LOXHD1: variants seen among roughly 807,000 people sequenced by gnomAD.
LOXHD1 encodes lipoxygenase homology PLAT domains 1.
Under a neutral mutation model 248.2 loss-of-function variants are expected in LOXHD1, and 205 were observed. That is an observed-to-expected ratio of 0.83 (90% CI 0.74 to 0.93). The LOEUF (loss-of-function observed/expected upper bound fraction) is 0.93, where lower values mean the gene tolerates loss of function less well. LOXHD1 is among the 40% of genes least tolerant of loss of function. LOXHD1 has a pLI of 0.00. For missense variants in LOXHD1, 2,930 were observed against 2,971.6 expected (o/e 0.99, Z 0.33); for synonymous variants, 1,113 against 1,162.8 (o/e 0.96, Z 0.87).
At chr18:46,497,034 C>T (rs1292998121) in intron 37 of LOXHD1, among the ~76,000 whole-genome samples, 1 of 152,140 alleles carries the variant, frequency 6.6e-6, no homozygotes, top group Non-Finnish European at 1.5e-5. Context: ...AATAAGGATA[C>T]AGAAATCTTC....
chr18:46,598,024 C>G (rs1315421226), intron 8 of LOXHD1, among the ~76,000 whole-genome samples: 8 of 151,764 alleles, frequency 5.3e-5, no homozygotes, highest in African/African-American at 9.7e-5. Context: ...GCCTCGGCCT[C>G]CAAAAGTGCT....
chr18:46,566,639 AC>A (rs1479415291), intron 16 of LOXHD1, among the ~76,000 whole-genome samples, 190 bp from the exon 17 acceptor site: 1 of 151,898 alleles, frequency 6.6e-6, no homozygotes, highest in Non-Finnish European at 1.5e-5. Flanking sequence ...CCAGGGCATC[AC>A]CTCACCTGCC....
chr18:46,656,834 A>G (rs768486841), intron 1 of LOXHD1, 70 bp downstream of exon 1: 2 of 1,500,122 alleles, frequency 1.3e-6, no homozygotes, highest in Non-Finnish European at 1.8e-6. Context: ...GACTCCCCAT[A>G]GACAGGAACA....
chr18:46,554,817 T>C lies in LOXHD1; in HGVS notation c.3350+2539A>G, dbSNP rs150191424. 5.9e-5 allele frequency among the ~76,000 whole-genome samples: 9 copies of C among 152,332 alleles called. No individual in the cohort carries two copies. The East Asian group carries it at 1.5e-3, about 26-fold the overall frequency. On this transcript the variant is annotated intron_variant, in intron 21 of 40. Transcript: ENST00000642948. ...TGTGTAGCAGTTATGTGTAGGAAAT[T>C]GTAAAGCATTACTGAGGTACATAAA...
intron 4 of LOXHD1, among the ~76,000 whole-genome samples, chr18:46,627,714 C>T (rs531901984): frequency 1.3e-5 from 2 of 152,234 alleles, no homozygotes; most frequent in Admixed American, 1.3e-4. Context: ...GTGAGTGACA[C>T]TGAGCCATCA....
At position 46,509,726 on chromosome 18, in the gene LOXHD1, C is replaced by T; in HGVS notation, c.5489G>A (p.Gly1830Asp). Residue 1830 changes from glycine to aspartate, a missense_variant, in exon 35 of 41, where the codon GGC becomes GAC. Coordinates refer to ENST00000642948, the MANE Select transcript of LOXHD1 (RefSeq NM_001384474.1). ...CTCCAGGAACCACTCCGGCCGACTG[C>T]CCAGGCCATCAATCCGGATCCGCAT... is the stretch of plus-strand genomic sequence containing the variant. ...TKMRIRIDGL[G>D]SRPEWFLERI... is the part of the protein sequence containing the mutation. 6.4e-7 allele frequency: 1 copy of T among 1,551,616 alleles called. No homozygotes were observed. Among genetic ancestry groups the T allele is most frequent in the Non-Finnish European group, 8.7e-7 (1 of 1,146,956 alleles).
intron 21 of LOXHD1, among the ~76,000 whole-genome samples, chr18:46,554,577 C>G (rs997376349): frequency 1.3e-5 from 2 of 151,970 alleles, no homozygotes; most frequent in African/African-American, 4.8e-5. Context: ...ATCACAGAGC[C>G]CTGGCAGACT....
At chr18:46,508,805 G>C (rs928112587) in intron 35 of LOXHD1, among the ~76,000 whole-genome samples, 2 of 152,180 alleles carry the variant, frequency 1.3e-5, no homozygotes, top group Non-Finnish European at 2.9e-5. Context: ...TCCAGCTTTG[G>C]AGCCACTCTT....
chr18:46,514,741 T>C (rs12458442), intron 34 of LOXHD1, among the ~76,000 whole-genome samples: 59,604 of 152,008 alleles, frequency 0.39, 13,435 homozygotes, highest in East Asian at 0.59. Context: ...AACTCTTTTG[T>C]GACACAAAAA....
At chr18:46,525,912 C>A (rs1057109820) in intron 29 of LOXHD1, among the ~76,000 whole-genome samples, 1 of 152,164 alleles carries the variant, frequency 6.6e-6, no homozygotes, top group African/African-American at 2.4e-5. Flanking sequence ...GTGGGAACAA[C>A]ATCCTGTGTG....
chr18:46,542,886 C>A lies in LOXHD1; in HGVS notation c.3620-31G>T. 2.6e-6 allele frequency: 4 copies of A among 1,551,642 alleles called. No individual in the cohort carries two copies. In the South Asian group the frequency reaches 3.6e-5, roughly 14 times the overall value. On this transcript the variant is annotated intron_variant, in intron 23 of 40. Coordinates refer to ENST00000642948, the MANE Select transcript of LOXHD1 (RefSeq NM_001384474.1). Reference sequence around the variant, plus strand: ...GATCAGATGACCCCAGCATGACTGGCTGGACCTGAGGCCTTTCAAGCCTAG... The same window carrying A: ...GATCAGATGACCCCAGCATGACTGGATGGACCTGAGGCCTTTCAAGCCTAG...
rs767526045 is a variant in LOXHD1 at position 46,559,156 on chromosome 18, C to T, written c.3216+292G>A. The stretch of plus-strand genomic sequence containing the variant: ...TTGCGGCGAGGACTTCCTCTTGAAC[C>T]CCCGCATCCCTACCAAGTGCCTCAG... On this transcript the variant is annotated intron_variant, in intron 20 of 40. Transcript: ENST00000642948. The T allele has an allele frequency of 2.9e-6, 4 of 1,395,706 alleles. No individual in the cohort carries two copies. In the South Asian group the frequency reaches 3.7e-5, roughly 13 times the overall value. 86.5% of individuals were successfully genotyped at this position (1,395,706 alleles called of 1,614,324 possible).
rs1364491643 is a variant in LOXHD1 at position 46,592,620 on chromosome 18, A to G, written c.1432-36T>C. On this transcript the variant is annotated intron_variant, in intron 10 of 40. Coordinates refer to ENST00000642948, the MANE Select transcript of LOXHD1 (RefSeq NM_001384474.1). ...AAATAAAAACATTTGAGTGGGCATA[A>G]CTGAAGAAATGTGTTTATTCTCATA... is the stretch of plus-strand genomic sequence containing the variant. 5.3e-6 allele frequency: 8 copies of G among 1,506,084 alleles called. No individual in the cohort carries two copies. The Admixed American group carries it at 1.4e-4, about 26-fold the overall frequency. The allele number at this position is 1,506,084 out of a possible 1,614,324, so 93.3% of individuals were successfully genotyped here.
intron 2 of LOXHD1, among the ~76,000 whole-genome samples, chr18:46,643,741 G>A (rs548874825): frequency 7.9e-5 from 12 of 152,158 alleles, no homozygotes; most frequent in African/African-American, 2.9e-4. Context: ...GTGATCTTTA[G>A]AATAAATAGA....
chr18:46,622,466 G>C (rs1316036011), intron 4 of LOXHD1, among the ~76,000 whole-genome samples: 1 of 152,182 alleles, frequency 6.6e-6, no homozygotes, highest in Admixed American at 6.5e-5. Context: ...GACAGGCTGG[G>C]ATTGGGCCAC....
intron 5 of LOXHD1, among the ~76,000 whole-genome samples, chr18:46,615,178 C>G (rs931835135): frequency 6.6e-6 from 1 of 152,156 alleles, no homozygotes. Context: ...CAGAAGAGGA[C>G]CAAAGGCAAA....
rs968644746 is a variant in LOXHD1 at position 46,484,942 on chromosome 18, C to T, written c.6182+77G>A. 3.3e-6 allele frequency: 5 copies of T among 1,510,164 alleles called. No homozygotes were observed. The African/African-American group carries it at 6.9e-5, about 21-fold the overall frequency. 93.5% of individuals were successfully genotyped at this position (1,510,164 alleles called of 1,614,324 possible). On this transcript the variant is annotated intron_variant, in intron 39 of 40. Coordinates refer to ENST00000642948, the MANE Select transcript of LOXHD1 (RefSeq NM_001384474.1). ...GGCCCATTTGTGTACCTATGGCTCC[C>T]ACCCAAGAGGGAGATTCTCGGGGTC...
chr18:46,549,097 C>T (rs1422049883), intron 21 of LOXHD1, among the ~76,000 whole-genome samples: 1 of 152,180 alleles, frequency 6.6e-6, no homozygotes. Flanking sequence ...ACCCCTGCCT[C>T]TTCCTCCTCC....
At position 46,559,521 on chromosome 18, in the gene LOXHD1, C is replaced by T. The variant is rs2037464296; in HGVS notation, c.3143G>A (p.Gly1048Asp). 6.4e-7 allele frequency: 1 copy of T among 1,552,052 alleles called. No individual in the cohort carries two copies. The highest frequency in any genetic ancestry group is 8.7e-7 in the Non-Finnish European group (1 of 1,147,074). Residue 1048 changes from glycine (G) to aspartate (D), a missense_variant, in exon 20 of 41, where the codon GGC becomes GAC. By Grantham distance (94) the Gly-to-Asp change is moderately conservative. Coordinates refer to ENST00000642948, the MANE Select transcript of LOXHD1 (RefSeq NM_001384474.1). ...TTCGCCCGTGTCTCCATACTCCTCG[C>T]CGTAGATGGTTAGGTAGACGTTAGC... The part of the protein sequence containing the change: ...TDANVYLTIY[G>D]EEYGDTGERP...
Sources: allele counts gnomAD v4.1 joint callset (sites outside exome capture counted in the v4.1 genomes callset), GRCh38; gene constraint gnomAD v4.1.1; transcripts MANE v1.5; gene names NCBI Gene and HGNC (gene_info 2026-07-23, HGNC 2026-07-21).